PRDM16: variants seen among roughly 807,000 people sequenced by gnomAD.
PRDM16 encodes the protein histone-lysine N-methyltransferase PRDM16.
A neutral mutation model predicts 110.6 loss-of-function variants in PRDM16; 23 were observed. That is an observed-to-expected ratio of 0.21 (90% confidence interval 0.15 to 0.29). The LOEUF is 0.29. PRDM16 is among the 10% of genes least tolerant of loss of function. The pLI, the probability that PRDM16 is intolerant of heterozygous loss-of-function variation, is 1.00. For synonymous variants in PRDM16, 799 were observed against 781.8 expected (o/e 1.02, Z -0.37); for missense variants, 1,615 against 1,794.3 (o/e 0.90, Z 1.81).
At chr1:3,345,484 G>T (rs1642342623) in intron 3 of PRDM16, among the ~76,000 whole-genome samples, 1 of 152,172 alleles carries the variant, frequency 6.6e-6, no homozygotes, top group Non-Finnish European at 1.5e-5. Flanking sequence ...GCCCTAGGAA[G>T]TGGCTAGCAC....
At chr1:3,380,347 C>T (rs1353116621) in intron 3 of PRDM16, among the ~76,000 whole-genome samples, 3 of 152,006 alleles carry the variant, frequency 2.0e-5, no homozygotes, top group African/African-American at 4.8e-5. Flanking sequence ...AAGCTCCTCC[C>T]TTTAGGGGCC....
intron 1 of PRDM16, among the ~76,000 whole-genome samples, chr1:3,093,168 C>A (rs1642315694): frequency 6.6e-6 from 1 of 152,144 alleles, no homozygotes; most frequent in South Asian, 2.1e-4. Flanking sequence ...TTTCCTCACC[C>A]AAATCTCTTG....
intron 3 of PRDM16, among the ~76,000 whole-genome samples, chr1:3,325,463 C>G (rs1641866613): frequency 6.6e-6 from 1 of 152,224 alleles, no homozygotes. Flanking sequence ...ACACACAAGT[C>G]CCACTAGATG....
At chr1:3,376,096 TA>T (rs1642985746) in intron 3 of PRDM16, among the ~76,000 whole-genome samples, 1 of 151,948 alleles carries the variant, frequency 6.6e-6, no homozygotes. Flanking sequence ...TCTTGGTGTT[TA>T]GGGGGAGATG....
chr1:3,150,769 T>C (rs74050137), intron 1 of PRDM16, among the ~76,000 whole-genome samples: 3,053 of 150,916 alleles, frequency 0.02, 127 homozygotes, highest in African/African-American at 0.069. Context: ...CAGTTGGCCG[T>C]TGGGGACGTT....
intron 3 of PRDM16, among the ~76,000 whole-genome samples, chr1:3,270,465 CGAGGAGGACAGTCGGGGAGGACAGTTCCA>C (rs1277664200): frequency 8.1e-6 from 1 of 122,882 alleles, no homozygotes; most frequent in Non-Finnish European, 1.7e-5. Flanking sequence ...GGACAGTCGG[CGAGGAGGACAGTCGGGGAGGACAGTTCCA>C]GAGGAGGACA....
intron 3 of PRDM16, among the ~76,000 whole-genome samples, chr1:3,337,635 A>G (rs749389093): frequency 1.3e-5 from 2 of 152,164 alleles, no homozygotes; most frequent in Non-Finnish European, 2.9e-5. Context: ...CCAGCCCCCA[A>G]CAGGGGCTGC....
chr1:3,221,437 T>A (rs1258232827), intron 2 of PRDM16, among the ~76,000 whole-genome samples: 1 of 152,246 alleles, frequency 6.6e-6, no homozygotes. Flanking sequence ...TTTGCACAAA[T>A]GACAGGCGCT....
At chr1:3,174,437 G>C (rs1644062742) in intron 1 of PRDM16, among the ~76,000 whole-genome samples, 1 of 152,180 alleles carries the variant, frequency 6.6e-6, no homozygotes, top group African/African-American at 2.4e-5. Flanking sequence ...TGGCCAGCCT[G>C]GGTGACAGTG....
At chr1:3,429,754 G>A (rs182662388) in intron 14 of PRDM16, among the ~76,000 whole-genome samples, 12 of 152,362 alleles carry the variant, frequency 7.9e-5, no homozygotes, top group East Asian at 3.9e-4. Context: ...GGTTCTGTCC[G>A]TCCTGGAAGG....
intron 2 of PRDM16, among the ~76,000 whole-genome samples, chr1:3,233,948 C>T (rs1464363513): frequency 1.3e-5 from 2 of 151,754 alleles, no homozygotes; most frequent in Non-Finnish European, 2.9e-5. Flanking sequence ...GTTGAGATGG[C>T]CTCTTGCGGG....
intron 8 of PRDM16, among the ~76,000 whole-genome samples, chr1:3,405,882 C>T (rs561899743): frequency 2.5e-4 from 38 of 152,342 alleles, no homozygotes; most frequent in African/African-American, 9.1e-4. Context: ...CTCCACGGCT[C>T]CCCTTGCTTC....
At chr1:3,295,867 C>T (rs1641078533) in intron 3 of PRDM16, among the ~76,000 whole-genome samples, 1 of 152,130 alleles carries the variant, frequency 6.6e-6, no homozygotes, top group South Asian at 2.1e-4. Flanking sequence ...ATGGGTCAAG[C>T]TGTGCATGGT....
chr1:3,170,688 C>T (rs1366849861), intron 1 of PRDM16, among the ~76,000 whole-genome samples: 5 of 152,138 alleles, frequency 3.3e-5, no homozygotes, highest in East Asian at 3.9e-4. Context: ...CCAGAGGAGG[C>T]GGGGCCCGGG....
At chr1:3,104,333 G>T (rs1056117616) in intron 1 of PRDM16, among the ~76,000 whole-genome samples, 6 of 152,206 alleles carry the variant, frequency 3.9e-5, no homozygotes, top group African/African-American at 1.4e-4. Context: ...GCTGGGAGGG[G>T]TGGGGTTGGA....
intron 12 of PRDM16, among the ~76,000 whole-genome samples, chr1:3,422,612 C>T (rs1638471247): frequency 6.6e-6 from 1 of 152,222 alleles, no homozygotes; most frequent in Admixed American, 6.5e-5. Flanking sequence ...AAGGATGTGT[C>T]AGGGTGGGGG....
At chr1:3,142,445 C>T (rs1436983900) in intron 1 of PRDM16, among the ~76,000 whole-genome samples, 4 of 152,104 alleles carry the variant, frequency 2.6e-5, no homozygotes, top group Admixed American at 6.6e-5. Context: ...TCAGCTGCTC[C>T]ATCAAAGCCT....
intron 3 of PRDM16, among the ~76,000 whole-genome samples, chr1:3,345,771 G>A (rs539889660): frequency 1.5e-4 from 11 of 75,336 alleles, no homozygotes; most frequent in African/African-American, 4.2e-4. Flanking sequence ...GGGTCCTCCC[G>A]TGCTGCCCCC....
At position 3,244,676 on chromosome 1, in the gene PRDM16, A is replaced by C. The variant is rs1639748273; in HGVS notation, c.438+539A>C. Among the ~76,000 whole-genome samples the C allele has an allele frequency of 6.6e-6, 1 of 152,138 alleles. No homozygotes were observed. Among genetic ancestry groups the C allele is most frequent in the Non-Finnish European group, 1.5e-5 (1 of 68,030 alleles). Reference sequence around the variant, plus strand: ...GGTGGTGGATAACGGCTGGTGGACAAACATTAGGTCTAACAGATCCAGAGG... The same window carrying C: ...GGTGGTGGATAACGGCTGGTGGACACACATTAGGTCTAACAGATCCAGAGG... On this transcript the variant is annotated intron_variant, in intron 3 of 16. Coordinates refer to ENST00000270722, the MANE Select transcript of PRDM16 (RefSeq NM_022114.4). The surrounding 1 kb of genome is among the most constrained non-coding windows in gnomAD (Gnocchi z 4.1).
Sources: allele counts gnomAD v4.1 joint callset (sites outside exome capture counted in the v4.1 genomes callset), GRCh38; gene constraint gnomAD v4.1.1; non-coding constraint Gnocchi (gnomAD v3.1); transcripts MANE v1.5; gene names NCBI Gene and HGNC (gene_info 2026-07-23, HGNC 2026-07-21).